Variants in CFAP61 observed in about 807,000 individuals in gnomAD.
CFAP61 encodes the protein cilia and flagella associated protein 61, also known as cilia- and flagella-associated protein 61.
Under a neutral mutation model 135.6 loss-of-function variants are expected in CFAP61, and 107 were observed. The observed-to-expected ratio is 0.79, with a 90% CI of 0.67 to 0.93. The LOEUF is 0.93. CFAP61 is among the 40% of genes least tolerant of loss of function. CFAP61 has a pLI of 0.00. For missense variants in CFAP61, 1,507 were observed against 1,556.2 expected (o/e 0.97, Z 0.53); for synonymous variants, 575 against 578.5 (o/e 0.99, Z 0.09).
intron 8 of CFAP61, among the ~76,000 whole-genome samples, chr20:20,120,285 C>G (rs1272668859): frequency 6.6e-6 from 1 of 152,080 alleles, no homozygotes; most frequent in Non-Finnish European, 1.5e-5. Flanking sequence ...TATGAACTTT[C>G]CTGTTAGTAC....
chr20:20,356,550 C>CTG (rs1569333275), intron 26 of CFAP61, among the ~76,000 whole-genome samples: 1 of 73,312 alleles, frequency 1.4e-5, no homozygotes, highest in Non-Finnish European at 3.2e-5. Context: ...GGTGGTCACA[C>CTG]TGAGGGGAGG....
intron 2 of CFAP61, among the ~76,000 whole-genome samples, chr20:20,063,145 C>T (rs543745394): frequency 4.1e-4 from 63 of 152,310 alleles, no homozygotes; most frequent in Admixed American, 3.3e-3. Flanking sequence ...ATAAGCAGTC[C>T]TACCAAAGAT....
chr20:20,303,957 G>C (rs938543953), intron 25 of CFAP61, among the ~76,000 whole-genome samples: 43 of 152,294 alleles, frequency 2.8e-4, no homozygotes, highest in African/African-American at 1.0e-3. Flanking sequence ...AAACAGCGCA[G>C]GCACTAGCTG....
chr20:20,076,707 T>C (rs1272349031), intron 6 of CFAP61, among the ~76,000 whole-genome samples: 1 of 152,256 alleles, frequency 6.6e-6, no homozygotes, highest in East Asian at 1.9e-4. Flanking sequence ...AAAAGTATTT[T>C]AAAAGTTTTA....
chr20:20,277,777 T>G (rs1301367246), intron 22 of CFAP61, among the ~76,000 whole-genome samples: 1 of 152,112 alleles, frequency 6.6e-6, no homozygotes, highest in Non-Finnish European at 1.5e-5. Context: ...CAGCAGTGGG[T>G]GGGCTGGAAT....
intron 24 of CFAP61, among the ~76,000 whole-genome samples, chr20:20,295,250 G>T (rs527754466): frequency 6.6e-6 from 1 of 152,178 alleles, no homozygotes; most frequent in African/African-American, 2.4e-5. Context: ...GAAGGTGGGG[G>T]ATTTAGTGAG....
In CFAP61 at chr20:20,341,906, C is replaced by G; in HGVS notation, c.3498C>G (p.Ile1166Met). The G allele has an allele frequency of 6.2e-7, 1 of 1,612,698 alleles. No homozygotes were observed. The highest frequency in any genetic ancestry group is 8.5e-7 in the Non-Finnish European group (1 of 1,179,252). The change falls in exon 26 of 27, where the codon ATC becomes ATG. Residue 1166 changes from isoleucine (I) to methionine (M), a missense_variant. By Grantham distance (10) the Ile-to-Met change is conservative. Transcript: ENST00000245957. ...ATCTCAGGAAAGAGTTACGCCAAAT[C>G]TTAGCCTCCAAGGAGGTAAGAGTGA... ...FIDLRKELRQ[I>M]LASKEEEDLP... is the part of the protein sequence containing the mutation.
intron 2 of CFAP61, among the ~76,000 whole-genome samples, chr20:20,067,558 C>T (rs1250483267): frequency 6.6e-6 from 1 of 150,680 alleles, no homozygotes; most frequent in Non-Finnish European, 1.5e-5. Context: ...AGGAGAATCA[C>T]TTGAACCCTG....
rs115206715 is a variant in CFAP61 at position 20,347,166 on chromosome 20, G to A, written c.3513+5245G>A. On this transcript the variant is annotated intron_variant, in intron 26 of 26. Coordinates refer to ENST00000245957, the MANE Select transcript of CFAP61 (RefSeq NM_015585.4). ...CTTAAGCAACCAGTGGGTCAAAAAA[G>A]AAATAAAAAAGGGATATTAGAAATG... 8.9e-3 allele frequency among the ~76,000 whole-genome samples: 1,355 copies of A among 152,054 alleles called. 16 individuals carry two copies. Among genetic ancestry groups the A allele is most frequent in the African/African-American group, 0.031 (1,285 of 41,504 alleles).
intron 8 of CFAP61, among the ~76,000 whole-genome samples, chr20:20,134,245 A>C (rs145878344): frequency 7.2e-5 from 11 of 152,354 alleles, no homozygotes; most frequent in African/African-American, 1.9e-4. Context: ...CTTCAAAGCA[A>C]ATTGGAGCTT....
rs2059407255 is a variant in CFAP61 at position 20,359,744 on chromosome 20, G to C, written c.3514-466G>C. 6.6e-6 allele frequency among the ~76,000 whole-genome samples: 1 copy of C among 152,190 alleles called. No homozygotes were observed. Among genetic ancestry groups the C allele is most frequent in the African/African-American group, 2.4e-5 (1 of 41,444 alleles). ...ATTTTTATCTGAAAATGAAGGGCTT[G>C]AAATGACTAACCTGGATGACTCTTG... On this transcript the variant is annotated intron_variant, in intron 26 of 26. Coordinates refer to ENST00000245957, the MANE Select transcript of CFAP61 (RefSeq NM_015585.4). This position sits in a 1 kb window ranked among gnomAD's most constrained non-coding sequence, Gnocchi z 4.0.
chr20:20,322,638 C>G lies in CFAP61; in HGVS notation c.3423-19193C>G, dbSNP rs950176112. On this transcript the variant is annotated intron_variant, in intron 25 of 26. Transcript: ENST00000245957. ...GGTAAATGGTATCATTAACTCCCTT[C>G]CCTTCCAGTCCCATGGTGGTCTTCC... 33 of 978,450 alleles carry G rather than the reference C, an allele frequency of 3.4e-5. No homozygotes were observed. In the African/African-American group the frequency reaches 5.4e-4, roughly 16 times the overall value. The allele number at this position is 978,450 out of a possible 1,614,324, so 60.6% of individuals were successfully genotyped here. A position where few individuals can be genotyped will look rare whatever the true frequency, so the allele number is the denominator to read the frequency against.
At chr20:20,056,054 T>C (rs760575338) in intron 1 of CFAP61, 2 of 1,457,386 alleles carry the variant, frequency 1.4e-6, no homozygotes, top group South Asian at 2.4e-5. Flanking sequence ...AAGGCTGGGT[T>C]ATACAAAGAA....
intron 25 of CFAP61, among the ~76,000 whole-genome samples, chr20:20,323,628 A>T (rs1349142363): frequency 6.6e-6 from 1 of 152,234 alleles, no homozygotes; most frequent in African/African-American, 2.4e-5. Flanking sequence ...GGCACCTAGA[A>T]AGAAGCCATG....
At chr20:20,090,644 C>G (rs1446830174) in intron 6 of CFAP61, among the ~76,000 whole-genome samples, 200 bp from the exon 7 acceptor site, 1 of 143,586 alleles carries the variant, frequency 7.0e-6, no homozygotes, top group Non-Finnish European at 1.5e-5. Flanking sequence ...GAGCCGAGAT[C>G]ACGCCACTGC....
chr20:20,356,597 G>A (rs1353338145), intron 26 of CFAP61, among the ~76,000 whole-genome samples: 1 of 65,070 alleles, frequency 1.5e-5, no homozygotes. Context: ...ACACTGGGGA[G>A]GTGGTCACAC....
intron 8 of CFAP61, among the ~76,000 whole-genome samples, chr20:20,123,047 G>C (rs2146699607): frequency 6.6e-6 from 1 of 151,756 alleles, no homozygotes; most frequent in Admixed American, 6.6e-5. Flanking sequence ...TTTCATGTTT[G>C]TTGGCCAATT....
intron 18 of CFAP61, among the ~76,000 whole-genome samples, chr20:20,238,215 T>C (rs961442555): frequency 3.3e-5 from 5 of 152,206 alleles, no homozygotes; most frequent in African/African-American, 1.2e-4. Context: ...GTTTTGCCTC[T>C]GATATTGGAA....
At chr20:20,141,549 A>G (rs1018623049) in intron 8 of CFAP61, among the ~76,000 whole-genome samples, 2 of 152,228 alleles carry the variant, frequency 1.3e-5, no homozygotes, top group Admixed American at 1.3e-4. Flanking sequence ...CTTTCATGCT[A>G]GAATGTGACT....
Sources: allele counts gnomAD v4.1 joint callset (sites outside exome capture counted in the v4.1 genomes callset), GRCh38; gene constraint gnomAD v4.1.1; non-coding constraint Gnocchi (gnomAD v3.1); transcripts MANE v1.5; gene names NCBI Gene and HGNC (gene_info 2026-07-23, HGNC 2026-07-21).